Variants in DYNLT2 observed in about 807,000 individuals in gnomAD.
DYNLT2 encodes dynein light chain Tctex-type protein 2.
DYNLT2 carries 24 observed loss-of-function variants against 24.3 expected under a neutral mutation model. That is an observed-to-expected ratio of 0.99 (90% confidence interval 0.71 to 1.39). DYNLT2 has a LOEUF of 1.39. Among genes scored for constraint, DYNLT2 ranks in the 40% most tolerant of loss-of-function variants. The pLI is 0.00. For synonymous variants in DYNLT2, 85 were observed against 85.4 expected (o/e 1.00, Z 0.03); for missense variants, 246 against 234.5 (o/e 1.05, Z -0.32).
the DYNLT2 span, among the ~76,000 whole-genome samples, chr6:169,726,990 A>G: frequency 2.0e-5 from 3 of 152,304 alleles, no homozygotes; most frequent in African/African-American, 7.2e-5. Context: ...AGTAAGATAG[A>G]GAAGGAAAAA....
At chr6:169,733,663 G>A in the DYNLT2 span, among the ~76,000 whole-genome samples, 1 of 152,306 alleles carries the variant, frequency 6.6e-6, no homozygotes, top group South Asian at 2.1e-4. Flanking sequence ...TTTGGTACCA[G>A]TACCATGCTG....
Position 169,747,639 on chromosome 6 carries a change from T to C in DYNLT2, c.121-3365A>G, listed in dbSNP as rs146462626. Among the ~76,000 whole-genome samples the C allele has an allele frequency of 3.3e-5, 5 of 152,308 alleles. No homozygotes were observed. The East Asian group carries it at 9.7e-4, about 29-fold the overall frequency. On this transcript the variant is annotated intron_variant, in intron 1 of 3. Transcript: ENST00000366774. ...AATTTGAATTTAACATGCTCAGTCT[T>C]TCTCTACACTCTTAAATATATGGAA... is the stretch of plus-strand genomic sequence containing the variant.
rs966802273 is a variant in DYNLT2, at chr6:169,751,559, G to A, written c.-101C>T. ...GGCGGAAGTCTCCCACCTGCGCCTCGTACGGTAGGAAGTGCCCGCCAGGGC... is the reference window on the plus strand; with the variant it reads ...GGCGGAAGTCTCCCACCTGCGCCTCATACGGTAGGAAGTGCCCGCCAGGGC... On this transcript the variant is annotated 5_prime_UTR_variant, in exon 1 of 4. The change creates a new upstream start codon in the 5' untranslated region. Transcript: ENST00000366774. 9.9e-6 allele frequency: 16 copies of A among 1,609,940 alleles called. No individual in the cohort carries two copies. The highest frequency in any genetic ancestry group is 1.4e-5 in the Non-Finnish European group (16 of 1,178,506).
the DYNLT2 span, chr6:169,725,177 G>A: frequency 2.5e-5 from 10 of 398,864 alleles, no homozygotes; most frequent in South Asian, 3.8e-4. Flanking sequence ...GAGGAGCCAA[G>A]CCTGGGTCCG....
chr6:169,738,051 G>A (rs555251271), downstream of DYNLT2, among the ~76,000 whole-genome samples: 6 of 152,310 alleles, frequency 3.9e-5, no homozygotes, highest in East Asian at 1.2e-3. Context: ...GGAAGGATGG[G>A]TCAGAGTTAG....
Position 169,751,232 on chromosome 6 carries a change from C to T in DYNLT2, c.120+107G>A, listed in dbSNP as rs548156283. On this transcript the variant is annotated intron_variant, in intron 1 of 3. Coordinates refer to ENST00000366774, the MANE Select transcript of DYNLT2 (RefSeq NM_174910.3). Reference sequence around the variant, plus strand: ...AAAGAAACACAAAAGGGAGATGCTGCCTCCTTGGCTCTGGGGGTGGTGACG... The same window carrying T: ...AAAGAAACACAAAAGGGAGATGCTGTCTCCTTGGCTCTGGGGGTGGTGACG... 13 of 1,473,830 alleles carry T rather than the reference C, an allele frequency of 8.8e-6. No individual in the cohort carries two copies. The East Asian group carries it at 3.0e-4, about 34-fold the overall frequency. The allele number at this position is 1,473,830 out of a possible 1,614,324, so 91.3% of individuals were successfully genotyped here. A position where few individuals can be genotyped will look rare whatever the true frequency, so the allele number is the denominator to read the frequency against.
At chr6:169,741,756 C>T (rs1457728180) in intron 3 of DYNLT2, among the ~76,000 whole-genome samples, 4 of 152,220 alleles carry the variant, frequency 2.6e-5, no homozygotes, top group Middle Eastern at 3.4e-3. Flanking sequence ...CTTATCTGAA[C>T]ATCAGAGGGT....
rs570285118 is a variant in DYNLT2, at chr6:169,746,549, C to T, written c.121-2275G>A. On this transcript the variant is annotated intron_variant, in intron 1 of 3. Transcript: ENST00000366774. ...CATTTCTATGCTTACATTGCTCATC[C>T]GTTCTTGCATGCTATTTTGTCAACT... Among the ~76,000 whole-genome samples, 5 of 152,176 alleles carry T rather than the reference C, an allele frequency of 3.3e-5. No individual in the cohort carries two copies. In the South Asian group the frequency reaches 6.2e-4, roughly 19 times the overall value.
At chr6:169,733,003 T>C in the DYNLT2 span, among the ~76,000 whole-genome samples, 1 of 152,366 alleles carries the variant, frequency 6.6e-6, no homozygotes, top group East Asian at 1.9e-4. Context: ...GGTATCTCAT[T>C]GTGGTTTTGA....
chr6:169,730,122 A>C, the DYNLT2 span, among the ~76,000 whole-genome samples: 115 of 152,244 alleles, frequency 7.6e-4, no homozygotes, highest in Non-Finnish European at 1.2e-3. Flanking sequence ...TAACTAAACC[A>C]CAGTAAATGA....
chr6:169,743,953 T>C, intron 2 of DYNLT2, 115 bp downstream of exon 2: 1 of 958,834 alleles, frequency 1.0e-6, no homozygotes, highest in Non-Finnish European at 1.5e-6. Flanking sequence ...TACCTTCTGG[T>C]TCTAGTGACA....
At chr6:169,736,704 C>A (rs1789569276), downstream of DYNLT2, among the ~76,000 whole-genome samples, 2 of 152,174 alleles carry the variant, frequency 1.3e-5, no homozygotes. Context: ...ATGGGCTTCC[C>A]TTTGTATGTG....
rs1790076403 is a variant in DYNLT2 at position 169,751,538 on chromosome 6, G to C, written c.-80C>G. 3.1e-6 allele frequency: 5 copies of C among 1,610,486 alleles called. No individual in the cohort carries two copies. Among genetic ancestry groups the C allele is most frequent in the Non-Finnish European group, 3.4e-6 (4 of 1,178,820 alleles). On this transcript the variant is annotated 5_prime_UTR_variant, in exon 1 of 4. Transcript: ENST00000366774. ...CGCCCTAGCCAGTCCCGCGAGGGCG[G>C]AAGTCTCCCACCTGCGCCTCGTACG... is the stretch of plus-strand genomic sequence containing the variant.
the DYNLT2 span, among the ~76,000 whole-genome samples, chr6:169,727,797 T>G: frequency 1.3e-5 from 2 of 152,182 alleles, no homozygotes; most frequent in Non-Finnish European, 2.9e-5. Context: ...TCTCCTGACC[T>G]CATGATCTGC....
intron 1 of DYNLT2, chr6:169,749,954 C>G (rs928891838): frequency 2.0e-5 from 3 of 152,194 alleles, no homozygotes; most frequent in African/African-American, 7.2e-5. Flanking sequence ...ATTTAGTGAG[C>G]ATTTGTAGAG....
the DYNLT2 span, among the ~76,000 whole-genome samples, chr6:169,729,262 C>A: frequency 6.6e-6 from 1 of 152,218 alleles, no homozygotes; most frequent in African/African-American, 2.4e-5. Flanking sequence ...TTTCTACTTA[C>A]TGAACTTTTT....
intron 3 of DYNLT2, among the ~76,000 whole-genome samples, chr6:169,742,559 C>A (rs1203468505): frequency 6.6e-6 from 1 of 152,142 alleles, no homozygotes; most frequent in Non-Finnish European, 1.5e-5. Flanking sequence ...AACAGAATAG[C>A]AGTGCAATTT....
At chr6:169,725,289 C>T in the DYNLT2 span, 2 of 398,544 alleles carry the variant, frequency 5.0e-6, no homozygotes, top group African/African-American at 2.1e-5. Context: ...AAGTACAATC[C>T]GGTTTCCTTT....
the DYNLT2 span, among the ~76,000 whole-genome samples, chr6:169,730,037 T>C: frequency 2.0e-5 from 3 of 152,264 alleles, no homozygotes; most frequent in East Asian, 1.9e-4. Context: ...TTCTTCTTTA[T>C]GCAATTCCTC....
Sources: allele counts gnomAD v4.1 joint callset (sites outside exome capture counted in the v4.1 genomes callset), GRCh38; gene constraint gnomAD v4.1.1; transcripts MANE v1.5; gene names NCBI Gene and HGNC (gene_info 2026-07-23, HGNC 2026-07-21).